The following ZBTB10 variants were observed in gnomAD, a reference collection of about 807,000 sequenced individuals.
ZBTB10 encodes the protein zinc finger and BTB domain containing 10, also known as zinc finger and BTB domain-containing protein 10.
In ZBTB10, 32 loss-of-function variants were observed where a neutral mutation model predicts 76.4. The ratio of observed to expected loss-of-function variants is 0.42; its 90% CI spans 0.32 to 0.56. The LOEUF is 0.56. Among genes scored for constraint, ZBTB10 ranks in the 20% least tolerant of loss-of-function variants. The probability of loss-of-function intolerance (pLI) is 0.14; values close to 1 mark genes in which losing one functional copy is unlikely to be tolerated. For synonymous variants in ZBTB10, 523 were observed against 432.9 expected (o/e 1.21, Z -2.58); for missense variants, 1,057 against 1,098.5 (o/e 0.96, Z 0.53).
Position 80,487,319 on chromosome 8 carries a change from G to A in ZBTB10, c.509G>A (p.Gly170Glu), listed in dbSNP as rs1172230948. The A allele has an allele frequency of 1.0e-5, 16 of 1,542,260 alleles. No individual in the cohort carries two copies. Among genetic ancestry groups the A allele is most frequent in the South Asian group, 2.4e-5 (2 of 83,386 alleles). The change falls in exon 1 of 6, where the codon GGG (glycine) becomes GAG (glutamate). Residue 170 changes from glycine (G) to glutamate (E), a missense_variant. Transcript: ENST00000455036. Reference sequence around the variant, plus strand: ...GATCTGGAGCTGGACGCGCTGGAGGGGAAGGAGTTGATGCAGGACGGCGCG... The same window carrying A: ...GATCTGGAGCTGGACGCGCTGGAGGAGAAGGAGTTGATGCAGGACGGCGCG... ...TVDLELDALE[G>E]KELMQDGASL...
chr8:80,513,549 C>T (rs1361994943), intron 2 of ZBTB10, among the ~76,000 whole-genome samples: 3 of 152,108 alleles, frequency 2.0e-5, no homozygotes, highest in Non-Finnish European at 2.9e-5. Flanking sequence ...ATTGTTTGAG[C>T]GTCAAGTACC....
At chr8:80,503,806 G>C (rs1815984074) in intron 2 of ZBTB10, among the ~76,000 whole-genome samples, 1 of 152,218 alleles carries the variant, frequency 6.6e-6, no homozygotes, top group South Asian at 2.1e-4. Context: ...ATACAGGCGT[G>C]AGCCACTGCG....
At chr8:80,505,661 A>G (rs979572227) in intron 2 of ZBTB10, among the ~76,000 whole-genome samples, 2 of 152,172 alleles carry the variant, frequency 1.3e-5, no homozygotes, top group South Asian at 2.1e-4. Flanking sequence ...TTGGTAAAAA[A>G]GCATACAATT....
At chr8:80,512,636 T>C (rs990635811) in intron 2 of ZBTB10, among the ~76,000 whole-genome samples, 2 of 152,008 alleles carry the variant, frequency 1.3e-5, no homozygotes, top group African/African-American at 2.4e-5. Context: ...CGGTTGAACC[T>C]GGGAGGCAGA....
Position 80,501,135 on chromosome 8 carries a change from G to A in ZBTB10, c.1861+753G>A, listed in dbSNP as rs141137803. 9.8e-3 allele frequency among the ~76,000 whole-genome samples: 1,493 copies of A among 152,258 alleles called. 14 individuals carry two copies. Among genetic ancestry groups the A allele is most frequent in the Non-Finnish European group, 0.015 (1,038 of 68,020 alleles). ...CTTGCCTCGGCCTCCCAAAGTGCTG[G>A]GATTACAGACATGAGCCACCACACC... On this transcript the variant is annotated intron_variant, in intron 2 of 5. Coordinates refer to ENST00000455036, the MANE Select transcript of ZBTB10 (RefSeq NM_001105539.3).
In ZBTB10 at chr8:80,520,812, CAT is replaced by C. The variant is rs1413891695; in HGVS notation, c.*1287_*1288del. ...AAATTCTTCAGGGTACAAAGGGTGA[CAT>C]ATTGAGGTGAAATTGTCAGATTTAC... is the stretch of plus-strand genomic sequence containing the variant. On this transcript the variant is annotated 3_prime_UTR_variant, in exon 6 of 6. Transcript: ENST00000455036. 6.6e-6 allele frequency: 1 copy of C among 151,712 alleles called. No individual in the cohort carries two copies. Among genetic ancestry groups the C allele is most frequent in the East Asian group, 1.9e-4 (1 of 5,192 alleles). 9.4% of individuals were successfully genotyped at this position (151,712 alleles called of 1,614,324 possible).
rs759591818 is a variant in ZBTB10, at chr8:80,520,903, A to C, written c.*1375A>C. On this transcript the variant is annotated 3_prime_UTR_variant, in exon 6 of 6. Coordinates refer to ENST00000455036, the MANE Select transcript of ZBTB10 (RefSeq NM_001105539.3). ...CAGCAGCATTTCACGTATTGTTAAC[A>C]TGTATGGCATTTATTAGCATATTGT... 3.3e-5 allele frequency: 5 copies of C among 151,984 alleles called. No homozygotes were observed. The highest frequency in any genetic ancestry group is 5.9e-5 in the Non-Finnish European group (4 of 67,856). 9.4% of individuals were successfully genotyped at this position (151,984 alleles called of 1,614,324 possible). A position where few individuals can be genotyped will look rare whatever the true frequency, so the allele number is the denominator to read the frequency against.
chr8:80,513,148 T>C (rs1816240217), intron 2 of ZBTB10, among the ~76,000 whole-genome samples: 2 of 145,856 alleles, frequency 1.4e-5, no homozygotes, highest in Admixed American at 1.3e-4. Flanking sequence ...ACAAAAACTG[T>C]TTTTTCTTTT....
intron 1 of ZBTB10, among the ~76,000 whole-genome samples, chr8:80,497,753 T>A (rs1260855423): frequency 6.8e-6 from 1 of 146,166 alleles, no homozygotes; most frequent in African/African-American, 2.5e-5. Context: ...AGTGGCATGA[T>A]CTTGGCTCAC....
In ZBTB10 at chr8:80,506,679, T is replaced by C. The variant is rs543983794; in HGVS notation, c.1861+6297T>C. On this transcript the variant is annotated intron_variant, in intron 2 of 5. Coordinates refer to ENST00000455036, the MANE Select transcript of ZBTB10 (RefSeq NM_001105539.3). ...AAATATTAGTGTTTTGTATAAATAT[T>C]CATGTTTTCATTATAGGGTGCTACT... Among the ~76,000 whole-genome samples, 9 of 152,238 alleles carry C rather than the reference T, an allele frequency of 5.9e-5. No homozygotes were observed. The East Asian group carries it at 1.7e-3, about 29-fold the overall frequency.
In ZBTB10 at chr8:80,500,152, C is replaced by T. The variant is rs1815885819; in HGVS notation, c.1631C>T (p.Pro544Leu). Residue 544 changes from proline to leucine, a missense_variant, in exon 2 of 6, where the codon CCT becomes CTT. Around this residue, in one of 5 missense-constraint regions of ZBTB10, gnomAD observed 306 missense variants for 297.5 expected, o/e 1.03. Coordinates refer to ENST00000455036, the MANE Select transcript of ZBTB10 (RefSeq NM_001105539.3). The part of the protein sequence containing the change: ...NDSSWVQDGS[P>L]EMAENESEGQ... ...AGTAGTTGGGTCCAGGATGGATCTC[C>T]TGAAATGGCTGAAAATGAATCTGAA... The T allele has an allele frequency of 6.2e-7, 1 of 1,613,050 alleles. No homozygotes were observed. The highest frequency in any genetic ancestry group is 8.5e-7 in the Non-Finnish European group (1 of 1,179,450).
Position 80,516,380 on chromosome 8 carries a change from G to T in ZBTB10, c.1961-2023G>T, listed in dbSNP as rs185403004. Reference sequence around the variant, plus strand: ...TATTCTACAAGTAATTGTAGGGCATGTGTCTTAAACAATAGAAAAACCAAG... The same window carrying T: ...TATTCTACAAGTAATTGTAGGGCATTTGTCTTAAACAATAGAAAAACCAAG... On this transcript the variant is annotated intron_variant, in intron 3 of 5. Transcript: ENST00000455036. Among the ~76,000 whole-genome samples the T allele has an allele frequency of 3.6e-4, 55 of 152,366 alleles. 1 individual carries two copies. The highest frequency in any genetic ancestry group is 1.3e-3 in the African/African-American group (52 of 41,592).
At chr8:80,493,205 GCGCACA>G (rs371017763) in intron 1 of ZBTB10, among the ~76,000 whole-genome samples, 3,990 of 98,202 alleles carry the variant, frequency 0.041, 64 homozygotes, top group South Asian at 0.067. Context: ...GCGCGCGCGC[GCGCACA>G]CACACACACA....
intron 2 of ZBTB10, among the ~76,000 whole-genome samples, chr8:80,512,471 G>A (rs1274084793): frequency 6.6e-6 from 1 of 152,158 alleles, no homozygotes; most frequent in East Asian, 1.9e-4. Context: ...AGCACTTTGG[G>A]AGGCCAAGGC....
At position 80,519,213 on chromosome 8, in the gene ZBTB10, C is replaced by A; in HGVS notation, c.2311-10C>A. ...TATCCTTATATTGGATTTTTTCCCC[C>A]TCCAATTAGGTGCATAAAAAGGATA... is the stretch of plus-strand genomic sequence containing the variant. On this transcript the variant is annotated splice_polypyrimidine_tract_variant and intron_variant, in intron 5 of 5. Transcript: ENST00000455036. 3.7e-6 allele frequency: 6 copies of A among 1,608,196 alleles called. No individual in the cohort carries two copies. Among genetic ancestry groups the A allele is most frequent in the Non-Finnish European group, 5.1e-6 (6 of 1,176,866 alleles).
Position 80,524,812 on chromosome 8 carries a change from A to G in ZBTB10, c.*5284A>G, listed in dbSNP as rs1331743363. On this transcript the variant is annotated 3_prime_UTR_variant, in exon 6 of 6. Coordinates refer to ENST00000455036, the MANE Select transcript of ZBTB10 (RefSeq NM_001105539.3). ...CGGTTTTTAATTATCCAAAGATGAA[A>G]TGGGGCTGCTTCAGAAAAAGGTCTA... 6.6e-6 allele frequency: 1 copy of G among 152,104 alleles called. No homozygotes were observed. Among genetic ancestry groups the G allele is most frequent in the Non-Finnish European group, 1.5e-5 (1 of 67,970 alleles). The allele number at this position is 152,104 out of a possible 1,614,324, so 9.4% of individuals were successfully genotyped here. A position where few individuals can be genotyped will look rare whatever the true frequency, so the allele number is the denominator to read the frequency against.
intron 3 of ZBTB10, 79 bp downstream of exon 3, chr8:80,514,087 C>A (rs765562944): frequency 1.1e-5 from 15 of 1,311,036 alleles, no homozygotes; most frequent in African/African-American, 1.5e-5. Flanking sequence ...AGTGTAATTT[C>A]TCTTCCATAA....
chr8:80,492,961 C>T (rs1276227151), intron 1 of ZBTB10, among the ~76,000 whole-genome samples: 1 of 151,824 alleles, frequency 6.6e-6, no homozygotes, highest in Non-Finnish European at 1.5e-5. Flanking sequence ...TGCCTGTAAT[C>T]CCAGCACTTT....
rs775929203 is a variant in ZBTB10, at chr8:80,487,557, C to T, written c.747C>T (p.Ser249=). Residue 249 remains serine, a synonymous_variant, in exon 1 of 6, where the codon TCC becomes TCT. Coordinates refer to ENST00000455036, the MANE Select transcript of ZBTB10 (RefSeq NM_001105539.3). ...CTCTAATGCAGAAGCTCCAATGCTC[C>T]TTCCAGACCTCCTGGCTCAAGGACT... ...PKSLMQKLQC[S]FQTSWLKDFP... The T allele has an allele frequency of 3.6e-5, 58 of 1,606,876 alleles. 1 individual carries two copies. In the Middle Eastern group the frequency reaches 6.6e-4, roughly 18 times the overall value.
Sources: allele counts gnomAD v4.1 joint callset (sites outside exome capture counted in the v4.1 genomes callset), GRCh38; gene constraint gnomAD v4.1.1; regional missense constraint gnomAD v4.1.1; transcripts MANE v1.5; gene names NCBI Gene and HGNC (gene_info 2026-07-23, HGNC 2026-07-21).